Variants in CEP135 observed in about 807,000 individuals in gnomAD.
CEP135 encodes centrosomal protein 135, also known as centrosomal protein of 135 kDa.
Under a neutral mutation model 157.3 loss-of-function variants are expected in CEP135, and 142 were observed. The observed-to-expected ratio is 0.90, with a 90% confidence interval of 0.79 to 1.04. CEP135 has a LOEUF of 1.04. Among genes scored for constraint, CEP135 ranks in the 50% least tolerant of loss-of-function variants. CEP135 has a pLI of 0.00. For missense variants in CEP135, 1,317 were observed against 1,309.2 expected (o/e 1.01, Z -0.09); for synonymous variants, 396 against 439.8 (o/e 0.90, Z 1.25).
chr4:56,011,628 T>G (rs1730587065), intron 20 of CEP135, 106 bp downstream of exon 20: 1 of 967,408 alleles, frequency 1.0e-6, no homozygotes, highest in Non-Finnish European at 1.6e-6. Flanking sequence ...GTAGAGATCT[T>G]GTCTACTGCC....
At chr4:56,022,695 C>A (rs151136813) in intron 24 of CEP135, among the ~76,000 whole-genome samples, 20 of 152,142 alleles carry the variant, frequency 1.3e-4, no homozygotes, top group African/African-American at 4.8e-4. Context: ...TGGGGACATA[C>A]CCAGACACAG....
At chr4:55,990,253 C>A (rs943044790) in intron 14 of CEP135, among the ~76,000 whole-genome samples, 1 of 152,046 alleles carries the variant, frequency 6.6e-6, no homozygotes, top group Non-Finnish European at 1.5e-5. Context: ...CTAAAAACCT[C>A]GCTTCTAGAG....
At chr4:55,951,073 C>T (rs972710983) in intron 1 of CEP135, among the ~76,000 whole-genome samples, 3 of 152,156 alleles carry the variant, frequency 2.0e-5, no homozygotes, top group Non-Finnish European at 1.5e-5. Flanking sequence ...GAGATTCATC[C>T]ATGCTGTTGA....
intron 13 of CEP135, 60 bp downstream of exon 13, chr4:55,981,439 T>C: frequency 6.8e-7 from 1 of 1,466,592 alleles, no homozygotes; most frequent in Non-Finnish European, 9.1e-7. Flanking sequence ...TCTTTGTATA[T>C]ACATTTTCCT....
chr4:55,954,129 A>T, intron 3 of CEP135, 87 bp from the exon 4 acceptor site: 1 of 1,224,438 alleles, frequency 8.2e-7, no homozygotes, highest in Non-Finnish European at 1.1e-6. Context: ...TTTTAAATTG[A>T]TATGACTTTT....
At chr4:56,025,610 G>C (rs1731134030) in intron 25 of CEP135, among the ~76,000 whole-genome samples, 1 of 152,106 alleles carries the variant, frequency 6.6e-6, no homozygotes, top group Non-Finnish European at 1.5e-5. Context: ...GTCCTCCTGT[G>C]TATAGGATGG....
Position 56,020,794 on chromosome 4 carries a change from T to G in CEP135, c.3320+14T>G. On this transcript the variant is annotated intron_variant, in intron 24 of 25. Coordinates refer to ENST00000257287, the MANE Select transcript of CEP135 (RefSeq NM_025009.5). Reference sequence around the variant, plus strand: ...AAGATACGAACGGTAAGACAAATTTTTTTTACATTTGACAATGTTTTTATG... The same window carrying G: ...AAGATACGAACGGTAAGACAAATTTGTTTTACATTTGACAATGTTTTTATG... The G allele has an allele frequency of 6.3e-7, 1 of 1,593,214 alleles. No homozygotes were observed. Among genetic ancestry groups the G allele is most frequent in the Non-Finnish European group, 8.6e-7 (1 of 1,163,522 alleles).
chr4:55,972,498 CTG>C (rs1156790959), intron 10 of CEP135, among the ~76,000 whole-genome samples: 1 of 152,170 alleles, frequency 6.6e-6, no homozygotes, highest in Admixed American at 6.5e-5. Flanking sequence ...CCATCAAACT[CTG>C]TGTGTCTTAG....
chr4:56,012,447 C>A (rs1038123575), intron 21 of CEP135, among the ~76,000 whole-genome samples: 1 of 152,134 alleles, frequency 6.6e-6, no homozygotes, highest in Non-Finnish European at 1.5e-5. Context: ...GCATAGAAGC[C>A]CATTACTTTT....
At chr4:56,029,022 G>C (rs1033080154) in intron 25 of CEP135, among the ~76,000 whole-genome samples, 2 of 152,116 alleles carry the variant, frequency 1.3e-5, no homozygotes, top group African/African-American at 4.8e-5. Flanking sequence ...CTATTAATTT[G>C]CTAGAGCAGC....
At chr4:55,957,419 A>C in intron 5 of CEP135, 55 bp downstream of exon 5, 3 of 1,552,878 alleles carry the variant, frequency 1.9e-6, no homozygotes, top group Non-Finnish European at 2.6e-6. Context: ...AATTAGCTGT[A>C]AGTTTCTTGA....
intron 11 of CEP135, among the ~76,000 whole-genome samples, chr4:55,979,307 A>G (rs1410509404): frequency 6.6e-6 from 1 of 152,160 alleles, no homozygotes; most frequent in Non-Finnish European, 1.5e-5. Flanking sequence ...GAGTGCTCTC[A>G]TCTTTATTTT....
In CEP135 at chr4:55,968,416, T is replaced by C. The variant is rs371951024; in HGVS notation, c.1045-647T>C. ...GCAAAAATAGAAGAAACTTCTAAAA[T>C]GCATATGGAATCTCCAAGGACCCCA... On this transcript the variant is annotated intron_variant, in intron 8 of 25. Transcript: ENST00000257287. Among the ~76,000 whole-genome samples the C allele has an allele frequency of 1.5e-4, 22 of 149,658 alleles. No individual in the cohort carries two copies. In the South Asian group the frequency reaches 4.5e-3, roughly 31 times the overall value.
intron 9 of CEP135, among the ~76,000 whole-genome samples, chr4:55,971,008 T>C (rs1249732142): frequency 6.6e-6 from 1 of 152,160 alleles, no homozygotes; most frequent in Non-Finnish European, 1.5e-5. Flanking sequence ...TATATTCATT[T>C]AGAAAAAAAT....
intron 11 of CEP135, among the ~76,000 whole-genome samples, chr4:55,975,937 T>C (rs1729197245): frequency 6.6e-6 from 1 of 152,142 alleles, no homozygotes; most frequent in African/African-American, 2.4e-5. Context: ...GTTGTCAGTG[T>C]AAGCACTATA....
At chr4:56,019,933 T>A (rs933530729) in intron 23 of CEP135, among the ~76,000 whole-genome samples, 3 of 152,166 alleles carry the variant, frequency 2.0e-5, no homozygotes, top group African/African-American at 7.2e-5. Flanking sequence ...AGCGAGACGC[T>A]GTCCCAAAAC....
At chr4:56,012,914 G>A (rs566380946) in intron 21 of CEP135, among the ~76,000 whole-genome samples, 9 of 152,298 alleles carry the variant, frequency 5.9e-5, no homozygotes, top group African/African-American at 2.2e-4. Flanking sequence ...ATACCCAGAA[G>A]TGGAATTACT....
At chr4:56,009,669 T>G in intron 18 of CEP135, 66 bp from the exon 19 acceptor site, 2 of 1,415,968 alleles carry the variant, frequency 1.4e-6, no homozygotes, top group Middle Eastern at 3.6e-4. Context: ...GACTATAAGT[T>G]TTCTTTTAAA....
Position 55,983,323 on chromosome 4 carries a change from CCTT to C in CEP135, c.1779+1947_1779+1949del, listed in dbSNP as rs1729473121. On this transcript the variant is annotated intron_variant, in intron 13 of 25. Transcript: ENST00000257287. ...AAAGCAACATTTGTATTATCAGAAT[CCTT>C]CTGGGTTGTAGGAGGCAGGATTTTG... is the stretch of plus-strand genomic sequence containing the variant. Among the ~76,000 whole-genome samples the C allele has an allele frequency of 7.2e-5, 11 of 152,276 alleles. No individual in the cohort carries two copies. In the South Asian group the frequency reaches 2.3e-3, roughly 32 times the overall value.
Sources: allele counts gnomAD v4.1 joint callset (sites outside exome capture counted in the v4.1 genomes callset), GRCh38; gene constraint gnomAD v4.1.1; transcripts MANE v1.5; gene names NCBI Gene and HGNC (gene_info 2026-07-23, HGNC 2026-07-21).